GAMT: variants seen among roughly 807,000 people sequenced by gnomAD.
The protein encoded by GAMT is guanidinoacetate N-methyltransferase.
GAMT carries 26 observed loss-of-function variants against 26.9 expected under a neutral mutation model. That is an observed-to-expected ratio of 0.97 (90% confidence interval 0.71 to 1.34). The LOEUF is 1.34. Among genes scored for constraint, GAMT ranks in the 40% most tolerant of loss-of-function variants. The pLI is 0.00. For missense variants in GAMT, 412 were observed against 345.0 expected, an observed-to-expected ratio of 1.19 and a Z score of -1.54; for synonymous variants, 169 against 149.6, an observed-to-expected ratio of 1.13 and a Z score of -0.95.
intron 1 of GAMT, among the ~76,000 whole-genome samples, 196 bp from the exon 2 acceptor site, chr19:1,400,134 T>G (rs1473328871): frequency 3.9e-4 from 8 of 20,454 alleles, no homozygotes; most frequent in Admixed American, 1.4e-3. Flanking sequence ...TGTGGGGCAA[T>G]GCTGGGGAGG....
chr19:1,399,179 C>A lies in GAMT; in HGVS notation c.408G>T (p.Thr136=). The A allele has an allele frequency of 6.2e-7, 1 of 1,613,662 alleles. No homozygotes were observed. The highest frequency in any genetic ancestry group is 8.5e-7 in the Non-Finnish European group (1 of 1,180,012). Residue 136 remains threonine, a synonymous_variant, in exon 4 of 6, where the codon ACG becomes ACT. Transcript: ENST00000252288. The surrounding 1 kb of genome is among the most constrained non-coding windows in gnomAD (Gnocchi z 6.2). ...DGHFDGILYD[T]YPLSEETWHT... The stretch of plus-strand genomic sequence containing the variant: ...GCCAGGTCTCCTCCGAGAGTGGGTA[C>A]GTGTCGTACAGGATCCCTGCACGGA...
At chr19:1,397,937 C>T (rs2082609981) in intron 5 of GAMT, 7 of 1,074,774 alleles carry the variant, frequency 6.5e-6, no homozygotes, top group Middle Eastern at 4.4e-4. Flanking sequence ...GCCGCCTCCA[C>T]CAGGCAGAGG....
At position 1,399,490 on chromosome 19, in the gene GAMT, G is replaced by A; in HGVS notation, c.391+34C>T. Reference sequence around the variant, plus strand: ...GGAGGGGCTGCATTGGAGCTGGGGAGGCCCACCCTGTGATACGTCCCCTCA... The same window carrying A: ...GGAGGGGCTGCATTGGAGCTGGGGAAGCCCACCCTGTGATACGTCCCCTCA... On this transcript the variant is annotated intron_variant, in intron 3 of 5. Transcript: ENST00000252288. This position sits in a 1 kb window ranked among gnomAD's most constrained non-coding sequence, Gnocchi z 6.2. 3 of 1,591,062 alleles carry A rather than the reference G, an allele frequency of 1.9e-6. No individual in the cohort carries two copies. Among genetic ancestry groups the A allele is most frequent in the East Asian group, 4.5e-5 (2 of 44,584 alleles).
At chr19:1,398,167 G>A (rs1377971909) in intron 5 of GAMT, 10 of 822,604 alleles carry the variant, frequency 1.2e-5, no homozygotes, top group Non-Finnish European at 1.5e-5. Flanking sequence ...GTGCAATCTC[G>A]GCTCACAGCA....
At chr19:1,397,949 A>C in intron 5 of GAMT, 1 of 1,068,938 alleles carries the variant, frequency 9.4e-7, no homozygotes, top group South Asian at 2.9e-5. Flanking sequence ...AGGCAGAGGG[A>C]ACAGCGAGAC....
chr19:1,399,258 C>G lies in GAMT; in HGVS notation c.392-63G>C. The G allele has an allele frequency of 6.4e-7, 1 of 1,561,720 alleles. No homozygotes were observed. Among genetic ancestry groups the G allele is most frequent in the Non-Finnish European group, 8.8e-7 (1 of 1,133,566 alleles). On this transcript the variant is annotated intron_variant, in intron 3 of 5. Transcript: ENST00000252288. This position sits in a 1 kb window ranked among gnomAD's most constrained non-coding sequence, Gnocchi z 6.2. ...GCTCAGCGCCTCACCCAGCCTCACC[C>G]GGCTCATCCCCCAGCGGGTGGAGGT...
In GAMT at chr19:1,401,049, C is replaced by CG. The variant is rs557743081; in HGVS notation, c.181+246dup. 4.6e-5 allele frequency among the ~76,000 whole-genome samples: 7 copies of CG among 152,296 alleles called. No individual in the cohort carries two copies. In the East Asian group the frequency reaches 7.7e-4, roughly 17 times the overall value. ...ACGTTTGAGGTCCCCATCTGGAGAG[C>CG]GGGGGGCCTCACTCCCCCTGGAGAG... On this transcript the variant is annotated intron_variant, in intron 1 of 5. Transcript: ENST00000252288.
At position 1,399,548 on chromosome 19, in the gene GAMT, T is replaced by A. The variant is rs771827261; in HGVS notation, c.367A>T (p.Thr123Ser). The change falls in exon 3 of 6, where the codon ACC becomes TCC. Residue 123 changes from threonine (T) to serine (S), a missense_variant. Thr to Ser is a moderately conservative substitution (Grantham distance 58). Transcript: ENST00000252288. This position sits in a 1 kb window ranked among gnomAD's most constrained non-coding sequence, Gnocchi z 6.2. ...CCATCAAAGTGACCGTCAGGCAGGG[T>A]GGGTGCCACATCCTCCCACAGGCCT... Reference protein sequence around the residue: ...LKGLWEDVAPTLPDGHFDGIL... With the variant: ...LKGLWEDVAPSLPDGHFDGIL... The A allele has an allele frequency of 6.2e-7, 1 of 1,612,794 alleles. No individual in the cohort carries two copies. The highest frequency in any genetic ancestry group is 8.5e-7 in the Non-Finnish European group (1 of 1,179,728).
intron 5 of GAMT, chr19:1,397,990 G>A (rs1256014125): frequency 9.7e-7 from 1 of 1,033,420 alleles, no homozygotes; most frequent in Non-Finnish European, 1.2e-6. Context: ...AGACAGCCAG[G>A]TGGAGGCAGC....
At chr19:1,397,895 C>G in intron 5 of GAMT, 1 of 1,142,974 alleles carries the variant, frequency 8.7e-7, no homozygotes, top group Non-Finnish European at 1.1e-6. Context: ...AACAGCAGCC[C>G]AGGGCAACCA....
intron 1 of GAMT, 55 bp downstream of exon 1, chr19:1,401,241 C>T: frequency 7.5e-7 from 1 of 1,331,830 alleles, no homozygotes; most frequent in South Asian, 1.7e-5. Flanking sequence ...CGGGGCAGCC[C>T]CGGCCTCAGT....
At chr19:1,398,724 C>G in intron 5 of GAMT, 192 bp downstream of exon 5, 1 of 1,541,668 alleles carries the variant, frequency 6.5e-7, no homozygotes, top group Non-Finnish European at 8.7e-7. Flanking sequence ...GATTATAGAC[C>G]TGAGCCACTG....
chr19:1,401,067 CT>C (rs2082630844), intron 1 of GAMT, among the ~76,000 whole-genome samples: 5 of 152,204 alleles, frequency 3.3e-5, no homozygotes, highest in Admixed American at 6.5e-5. Context: ...CTCACTCCCC[CT>C]GGAGAGGAAG....
intron 5 of GAMT, 29 bp downstream of exon 5, chr19:1,398,887 G>A: frequency 6.2e-7 from 1 of 1,612,610 alleles, no homozygotes; most frequent in Non-Finnish European, 8.5e-7. Flanking sequence ...ACTTCCTGGA[G>A]ACCCATGGGG....
Position 1,399,892 on chromosome 19 carries a change from T to C in GAMT, c.228A>G (p.Ser76=). Residue 76 remains serine (S), a synonymous_variant, in exon 2 of 6, where the codon TCA becomes TCG. Coordinates refer to ENST00000252288, the MANE Select transcript of GAMT (RefSeq NM_000156.6). The surrounding 1 kb of genome is among the most constrained non-coding windows in gnomAD (Gnocchi z 6.2). ...CATCAATGGGCGCCTCCTGCACCTT[T>C]GACGCTGCGATGGCCATGCCAAAGC... The part of the protein sequence containing the change: ...EVGFGMAIAA[S]KVQEAPIDEH... 6.2e-7 allele frequency: 1 copy of C among 1,608,682 alleles called. No individual in the cohort carries two copies. The highest frequency in any genetic ancestry group is 8.5e-7 in the Non-Finnish European group (1 of 1,178,394).
Position 1,401,441 on chromosome 19 carries a change from G to C in GAMT, c.36C>G (p.Pro12=), listed in dbSNP as rs760278546. The C allele has an allele frequency of 2.8e-6, 4 of 1,410,022 alleles. No individual in the cohort carries two copies. In the African/African-American group the frequency reaches 4.5e-5, roughly 16 times the overall value. 87.3% of individuals were successfully genotyped at this position (1,410,022 alleles called of 1,614,324 possible). ...CCCACGCGGGGCTGCAGTTCTCGCC[G>C]GGCGCGAAGATGGGGGTCGCGCTGG... ...SAPSATPIFA[P]GENCSPAWGA... The change falls in exon 1 of 6, where the codon CCC becomes CCG. Residue 12 remains proline, a synonymous_variant. Transcript: ENST00000252288.
intron 1 of GAMT, among the ~76,000 whole-genome samples, chr19:1,400,556 G>C (rs9973220): frequency 4.6e-5 from 7 of 152,156 alleles, no homozygotes; most frequent in Non-Finnish European, 7.4e-5. Context: ...GTTTGTCCCG[G>C]GTCCCTTATC....
At chr19:1,398,855 C>A in intron 5 of GAMT, 61 bp downstream of exon 5, 2 of 1,600,684 alleles carry the variant, frequency 1.2e-6, no homozygotes. Context: ...CCAGCAGCCC[C>A]TTCCCACCCC....
intron 1 of GAMT, among the ~76,000 whole-genome samples, chr19:1,400,572 GGTTA>G (rs773677179): frequency 6.6e-6 from 1 of 152,182 alleles, no homozygotes; most frequent in Admixed American, 6.5e-5. Context: ...TTATCTCTCG[GGTTA>G]GTTACTTTTC....
Sources: gnomAD v4.1 joint callset for allele counts (sites outside exome capture counted in the v4.1 genomes callset) on GRCh38, gnomAD v4.1.1 for gene constraint, Gnocchi (gnomAD v3.1) non-coding constraint, MANE v1.5 for transcripts, NCBI Gene and HGNC (gene_info 2026-07-23, HGNC 2026-07-21) for gene names.